The following CNTNAP5 variants were observed in gnomAD, a reference collection of about 807,000 sequenced individuals.
The protein encoded by CNTNAP5 is contactin-associated protein-like 5.
Under a neutral mutation model 150.2 loss-of-function variants are expected in CNTNAP5, and 72 were observed. The ratio of observed to expected loss-of-function variants is 0.48; its 90% CI spans 0.40 to 0.58. The LOEUF is 0.58. CNTNAP5 is among the 20% of genes least tolerant of loss of function. The pLI is 0.00. For synonymous variants in CNTNAP5, 672 were observed against 619.8 expected, an observed-to-expected ratio of 1.08 and a Z score of -1.25; for missense variants, 1,636 against 1,626.2, an observed-to-expected ratio of 1.01 and a Z score of -0.10.
intron 1 of CNTNAP5, among the ~76,000 whole-genome samples, chr2:124,043,276 T>A (rs983020320): frequency 6.6e-6 from 1 of 152,152 alleles, no homozygotes; most frequent in Non-Finnish European, 1.5e-5. Flanking sequence ...TTACTTAACC[T>A]CCTAAGTGAA....
intron 2 of CNTNAP5, among the ~76,000 whole-genome samples, chr2:124,231,899 T>C (rs1293115502): frequency 6.6e-6 from 1 of 152,052 alleles, no homozygotes; most frequent in Non-Finnish European, 1.5e-5. Context: ...AAAGGGATTA[T>C]AGAAAATTTG....
intron 3 of CNTNAP5, among the ~76,000 whole-genome samples, chr2:124,343,233 A>C (rs2104694231): frequency 6.6e-6 from 1 of 152,354 alleles, no homozygotes; most frequent in Non-Finnish European, 1.5e-5. Context: ...AAGGTTATAA[A>C]TGATAGCATT....
rs560276922 is a variant in CNTNAP5, at chr2:124,333,339, A to G, written c.382-84104A>G. 2.8e-4 allele frequency among the ~76,000 whole-genome samples: 43 copies of G among 152,284 alleles called. No homozygotes were observed. The South Asian group carries it at 3.3e-3, about 12-fold the overall frequency. ...AAAATAAAAGGACAATTGGATACAA[A>G]CTGTGTCTTTGTAAATGGAGCAAGT... is the stretch of plus-strand genomic sequence containing the variant. On this transcript the variant is annotated intron_variant, in intron 3 of 23. Transcript: ENST00000682447.
chr2:124,075,437 C>T (rs1249908988), intron 1 of CNTNAP5, among the ~76,000 whole-genome samples: 2 of 152,110 alleles, frequency 1.3e-5, no homozygotes, highest in Non-Finnish European at 2.9e-5. Context: ...GTCACAATCA[C>T]TTTTCTCATT....
chr2:124,387,452 C>G (rs770290431), intron 3 of CNTNAP5, among the ~76,000 whole-genome samples: 5 of 152,086 alleles, frequency 3.3e-5, no homozygotes, highest in African/African-American at 1.2e-4. Flanking sequence ...GGGCTGAATC[C>G]GAAAAGAGAG....
Position 124,540,087 on chromosome 2 carries a change from G to A in CNTNAP5, c.1649+12631G>A, listed in dbSNP as rs555618766. The stretch of plus-strand genomic sequence containing the variant: ...CAGATTAAGTTGGATTTTATGTCTT[G>A]CCAAATTTTAGTCTCTAAACTCGTG... On this transcript the variant is annotated intron_variant, in intron 10 of 23. Transcript: ENST00000682447. 2.0e-5 allele frequency among the ~76,000 whole-genome samples: 3 copies of A among 152,272 alleles called. No homozygotes were observed. The East Asian group carries it at 5.8e-4, about 29-fold the overall frequency.
intron 19 of CNTNAP5, among the ~76,000 whole-genome samples, chr2:124,829,650 AT>A (rs1682671616): frequency 6.6e-6 from 1 of 151,950 alleles, no homozygotes; most frequent in African/African-American, 2.4e-5. Context: ...GCATTTGCAT[AT>A]TTTTTCATTA....
intron 12 of CNTNAP5, among the ~76,000 whole-genome samples, chr2:124,628,275 G>A (rs189359924): frequency 2.6e-5 from 4 of 152,170 alleles, no homozygotes; most frequent in Admixed American, 2.6e-4. Context: ...GATTCTCCAA[G>A]GTTGAAATGA....
chr2:124,888,344 C>A (rs552932605), intron 21 of CNTNAP5, among the ~76,000 whole-genome samples: 80 of 152,226 alleles, frequency 5.3e-4, no homozygotes, highest in African/African-American at 1.9e-3. Context: ...TTTCCATCCA[C>A]CATCGATGGA....
rs974619669 is a variant in CNTNAP5, at chr2:124,907,225, C to A, written c.3655+4125C>A. Among the ~76,000 whole-genome samples, 6 of 151,976 alleles carry A rather than the reference C, an allele frequency of 3.9e-5. No individual in the cohort carries two copies. The East Asian group carries it at 1.2e-3, about 29-fold the overall frequency. ...ATGTTCAGAAGACAGAAGCCCATTACAAAAGGAAATATGTAAGTTAAAATT... is the reference window on the plus strand; with the variant it reads ...ATGTTCAGAAGACAGAAGCCCATTAAAAAAGGAAATATGTAAGTTAAAATT... On this transcript the variant is annotated intron_variant, in intron 22 of 23. Transcript: ENST00000682447.
intron 16 of CNTNAP5, among the ~76,000 whole-genome samples, chr2:124,771,774 CACCATCACCATCACTGTCACCATT>C (rs1681199728): frequency 6.6e-6 from 1 of 150,938 alleles, no homozygotes; most frequent in Non-Finnish European, 1.5e-5. Context: ...CCAGCACTGC[CACCATCACCATCACTGTCACCATT>C]ACCATCACCA....
intron 17 of CNTNAP5, among the ~76,000 whole-genome samples, chr2:124,776,920 A>G (rs1681336906): frequency 6.6e-6 from 1 of 151,772 alleles, no homozygotes; most frequent in African/African-American, 2.4e-5. Context: ...TATTTTTTTC[A>G]AAGTTAAATA....
At chr2:124,400,866 C>T (rs565961102) in intron 3 of CNTNAP5, among the ~76,000 whole-genome samples, 4 of 150,556 alleles carry the variant, frequency 2.7e-5, no homozygotes, top group African/African-American at 9.8e-5. Context: ...ACCCCCTACA[C>T]TTTTTTTTTA....
chr2:124,819,427 C>G (rs1682438226), intron 19 of CNTNAP5, among the ~76,000 whole-genome samples: 1 of 152,036 alleles, frequency 6.6e-6, no homozygotes, highest in Non-Finnish European at 1.5e-5. Context: ...CGGTTTGACC[C>G]CATGACCTGA....
chr2:124,506,191 GAAA>G, intron 8 of CNTNAP5, among the ~76,000 whole-genome samples: 1 of 129,276 alleles, frequency 7.7e-6, no homozygotes, highest in South Asian at 2.6e-4. Flanking sequence ...GACTTTTAAA[GAAA>G]AAAAAAAAAA....
intron 2 of CNTNAP5, 73 bp downstream of exon 2, chr2:124,221,882 C>A: frequency 1.1e-6 from 1 of 883,826 alleles, no homozygotes; most frequent in Non-Finnish European, 1.8e-6. Flanking sequence ...GGAGAGTGAG[C>A]ACTCTCAGAC....
chr2:124,531,813 T>C (rs868357853), intron 10 of CNTNAP5, among the ~76,000 whole-genome samples: 1 of 152,114 alleles, frequency 6.6e-6, no homozygotes, highest in African/African-American at 2.4e-5. Context: ...ATTGTCGACC[T>C]AAAAGGAAAA....
intron 3 of CNTNAP5, among the ~76,000 whole-genome samples, chr2:124,371,166 C>G (rs1365499301): frequency 1.3e-5 from 2 of 152,068 alleles, no homozygotes; most frequent in Admixed American, 1.3e-4. Flanking sequence ...GGTTTTACGA[C>G]CTGCTTCAGA....
intron 1 of CNTNAP5, among the ~76,000 whole-genome samples, chr2:124,098,272 G>A (rs879408729): frequency 1.3e-5 from 2 of 152,172 alleles, no homozygotes; most frequent in Admixed American, 1.3e-4. Context: ...TTACCTGGAA[G>A]TAGGACATCA....
Sources: allele counts gnomAD v4.1 joint callset (sites outside exome capture counted in the v4.1 genomes callset), GRCh38; gene constraint gnomAD v4.1.1; transcripts MANE v1.5; gene names NCBI Gene and HGNC (gene_info 2026-07-23, HGNC 2026-07-21).